The following SPIDR variants were observed in gnomAD, a reference collection of about 807,000 sequenced individuals.
The protein encoded by SPIDR is scaffold protein involved in DNA repair.
SPIDR carries 93 observed loss-of-function variants against 104.6 expected under a neutral mutation model. The ratio of observed to expected loss-of-function variants is 0.89; its 90% confidence interval spans 0.75 to 1.06. The LOEUF (loss-of-function observed/expected upper bound fraction) is 1.06, where lower values mean the gene tolerates loss of function less well. Among genes scored for constraint, SPIDR ranks in the 50% least tolerant of loss-of-function variants. SPIDR has a pLI of 0.00. For synonymous variants in SPIDR, 431 were observed against 416.9 expected (o/e 1.03, Z -0.41); for missense variants, 1,154 against 1,111.2 (o/e 1.04, Z -0.55).
chr8:47,451,305 G>A (rs1229084513), intron 8 of SPIDR, among the ~76,000 whole-genome samples: 1 of 152,134 alleles, frequency 6.6e-6, no homozygotes, highest in Non-Finnish European at 1.5e-5. Flanking sequence ...TAGAGATTGG[G>A]TGTGGTGACT....
intron 5 of SPIDR, among the ~76,000 whole-genome samples, chr8:47,318,364 T>A (rs1414127413): frequency 6.6e-6 from 1 of 151,120 alleles, no homozygotes; most frequent in African/African-American, 2.4e-5. Flanking sequence ...ATGAAATGAA[T>A]GAAATGAAGT....
chr8:47,547,199 C>A, intron 8 of SPIDR: 1 of 648,350 alleles, frequency 1.5e-6, no homozygotes, highest in Non-Finnish European at 2.9e-6. Context: ...CCTTTTGTGC[C>A]CACGAAGATT....
At chr8:47,629,266 A>T (rs534237383) in intron 10 of SPIDR, among the ~76,000 whole-genome samples, 4 of 152,346 alleles carry the variant, frequency 2.6e-5, no homozygotes, top group South Asian at 4.1e-4. Flanking sequence ...GATAACAAAG[A>T]TGAGATGCTG....
At chr8:47,274,595 C>G (rs1380428300) in intron 1 of SPIDR, among the ~76,000 whole-genome samples, 2 of 149,802 alleles carry the variant, frequency 1.3e-5, no homozygotes, top group Non-Finnish European at 3.0e-5. Flanking sequence ...TTTTTTTTCC[C>G]GAGATGGAGT....
chr8:47,398,127 G>A (rs968830971), intron 6 of SPIDR, among the ~76,000 whole-genome samples: 5 of 152,198 alleles, frequency 3.3e-5, no homozygotes, highest in Admixed American at 2.6e-4. Flanking sequence ...TGTAATAGTA[G>A]TAGAATGTAA....
At chr8:47,682,764 C>A (rs1197960955) in intron 11 of SPIDR, among the ~76,000 whole-genome samples, 1 of 152,044 alleles carries the variant, frequency 6.6e-6, no homozygotes, top group African/African-American at 2.4e-5. Flanking sequence ...GAGGAAATGC[C>A]AGTTATTAAC....
At chr8:47,659,659 C>T (rs1026155285) in intron 10 of SPIDR, 34 of 984,126 alleles carry the variant, frequency 3.5e-5, no homozygotes, top group Non-Finnish European at 3.9e-5. Context: ...CTTCTCGCCC[C>T]CGCCTTTTCT....
intron 6 of SPIDR, among the ~76,000 whole-genome samples, chr8:47,399,145 T>C (rs1317022210): frequency 1.3e-5 from 2 of 152,174 alleles, no homozygotes; most frequent in Non-Finnish European, 2.9e-5. Flanking sequence ...TGATAGAAAT[T>C]TCATCATGTT....
intron 10 of SPIDR, among the ~76,000 whole-genome samples, chr8:47,621,250 C>T (rs752651719): frequency 2.0e-5 from 3 of 152,220 alleles, no homozygotes; most frequent in African/African-American, 2.4e-5. Context: ...CCACCACGCC[C>T]GGCCAATTCA....
chr8:47,580,686 T>A lies in SPIDR; in HGVS notation c.1098-15125T>A, dbSNP rs147341750. Among the ~76,000 whole-genome samples the A allele has an allele frequency of 3.9e-5, 6 of 152,328 alleles. No homozygotes were observed. The East Asian group carries it at 1.2e-3, about 29-fold the overall frequency. ...CCTTTATTTTAAATTTATGCCATTCTTAGATGCCTACATTAAAACACCCGG... is the reference window on the plus strand; with the variant it reads ...CCTTTATTTTAAATTTATGCCATTCATAGATGCCTACATTAAAACACCCGG... On this transcript the variant is annotated intron_variant, in intron 8 of 19. Transcript: ENST00000297423.
At chr8:47,553,188 C>T (rs2090827923) in intron 8 of SPIDR, among the ~76,000 whole-genome samples, 1 of 152,122 alleles carries the variant, frequency 6.6e-6, no homozygotes, top group African/African-American at 2.4e-5. Flanking sequence ...TCTGGCTGCC[C>T]TTAACATTTT....
chr8:47,619,633 A>G (rs1388995342), intron 10 of SPIDR, among the ~76,000 whole-genome samples: 1 of 144,920 alleles, frequency 6.9e-6, no homozygotes, highest in African/African-American at 2.6e-5. Context: ...TTTTTTTTTT[A>G]AGGGATGGGG....
At chr8:47,537,202 G>T (rs1053914906) in intron 8 of SPIDR, among the ~76,000 whole-genome samples, 1 of 152,220 alleles carries the variant, frequency 6.6e-6, no homozygotes, top group Non-Finnish European at 1.5e-5. Context: ...TCCAGCAATT[G>T]CACTTTTTGA....
intron 1 of SPIDR, among the ~76,000 whole-genome samples, chr8:47,271,243 T>C (rs2035258052): frequency 6.6e-6 from 1 of 152,198 alleles, no homozygotes. Flanking sequence ...AGCTTCTTGG[T>C]TGTATGTTTC....
At chr8:47,611,141 G>A (rs2063550793) in intron 10 of SPIDR, among the ~76,000 whole-genome samples, 1 of 152,202 alleles carries the variant, frequency 6.6e-6, no homozygotes, top group South Asian at 2.1e-4. Flanking sequence ...GGATGAACCA[G>A]TCCATGGAGT....
chr8:47,548,851 T>C (rs2089957998), intron 8 of SPIDR, among the ~76,000 whole-genome samples: 1 of 152,222 alleles, frequency 6.6e-6, no homozygotes, highest in Admixed American at 6.5e-5. Context: ...ACATGTGCCA[T>C]GTTGCTGTGC....
At chr8:47,403,751 C>T (rs1177390379) in intron 6 of SPIDR, among the ~76,000 whole-genome samples, 2 of 152,138 alleles carry the variant, frequency 1.3e-5, no homozygotes, top group African/African-American at 4.8e-5. Context: ...TAGGAAGAAT[C>T]AATATTGGGA....
At chr8:47,656,366 A>G (rs910532354) in intron 10 of SPIDR, among the ~76,000 whole-genome samples, 2 of 152,238 alleles carry the variant, frequency 1.3e-5, no homozygotes, top group Non-Finnish European at 2.9e-5. Flanking sequence ...TCAAATAGAC[A>G]TTTATTCAAA....
intron 8 of SPIDR, among the ~76,000 whole-genome samples, chr8:47,482,014 T>C (rs192142516): frequency 1.2e-3 from 188 of 152,356 alleles, no homozygotes; most frequent in African/African-American, 4.2e-3. Context: ...TGGTTCTTCA[T>C]GTCTTAGCAT....
Sources: gnomAD v4.1 joint callset for allele counts (sites outside exome capture counted in the v4.1 genomes callset) on GRCh38, gnomAD v4.1.1 for gene constraint, MANE v1.5 for transcripts, NCBI Gene and HGNC (gene_info 2026-07-23, HGNC 2026-07-21) for gene names.